The following ROCK2 variants were observed in gnomAD, a reference collection of about 807,000 sequenced individuals.
ROCK2 encodes the protein Rho associated coiled-coil containing protein kinase 2.
A neutral mutation model predicts 195.1 loss-of-function variants in ROCK2; 61 were observed. The observed-to-expected ratio is 0.31, with a 90% CI of 0.25 to 0.39. The LOEUF (loss-of-function observed/expected upper bound fraction) is 0.39. Ranked by LOEUF, ROCK2 falls within the 10% of genes least tolerant of loss-of-function variation. The probability of loss-of-function intolerance (pLI) is 1.00; values close to 1 mark genes in which losing one functional copy is unlikely to be tolerated. For missense variants in ROCK2, 1,109 were observed against 1,637.4 expected (o/e 0.68, Z 5.57); for synonymous variants, 504 against 545.5 (o/e 0.92, Z 1.06).
At chr2:11,250,305 TTTTG>T (rs1433496363) in intron 3 of ROCK2, among the ~76,000 whole-genome samples, 1 of 152,208 alleles carries the variant, frequency 6.6e-6, no homozygotes, top group African/African-American at 2.4e-5. Context: ...TAAAGGGTTT[TTTTG>T]TTTGTTTGTG....
At chr2:11,311,537 C>A (rs1022259450) in intron 1 of ROCK2, among the ~76,000 whole-genome samples, 1 of 152,042 alleles carries the variant, frequency 6.6e-6, no homozygotes, top group African/African-American at 2.4e-5. Flanking sequence ...AAAACTAGAC[C>A]AACCCTCAAA....
intron 1 of ROCK2, among the ~76,000 whole-genome samples, chr2:11,340,463 A>G (rs944805067): frequency 7.9e-5 from 12 of 152,164 alleles, no homozygotes; most frequent in Non-Finnish European, 1.5e-5. Context: ...AAACCTCCCT[A>G]GCTAACTCAT....
chr2:11,220,976 A>G (rs777861133), intron 9 of ROCK2, among the ~76,000 whole-genome samples: 4 of 152,212 alleles, frequency 2.6e-5, no homozygotes, highest in Non-Finnish European at 5.9e-5. Flanking sequence ...TTTTTACTGT[A>G]TATCCCCAAA....
chr2:11,253,545 T>TGG (rs1665911664), intron 3 of ROCK2, among the ~76,000 whole-genome samples: 1 of 152,248 alleles, frequency 6.6e-6, no homozygotes, highest in East Asian at 1.9e-4. Flanking sequence ...GTATCATAAT[T>TGG]TGTAATTTTT....
intron 1 of ROCK2, among the ~76,000 whole-genome samples, chr2:11,340,899 A>G (rs1035400845): frequency 6.6e-6 from 1 of 152,212 alleles, no homozygotes; most frequent in African/African-American, 2.4e-5. Flanking sequence ...TTGAAAGAGT[A>G]AAATAAATCA....
chr2:11,303,810 A>G (rs936614351), intron 1 of ROCK2, among the ~76,000 whole-genome samples: 4 of 152,166 alleles, frequency 2.6e-5, no homozygotes, highest in Non-Finnish European at 4.4e-5. Context: ...TTTCAAGCTT[A>G]TCAGTGACCT....
chr2:11,204,417 T>C (rs1663975103), intron 20 of ROCK2, among the ~76,000 whole-genome samples: 1 of 152,214 alleles, frequency 6.6e-6, no homozygotes, highest in African/African-American at 2.4e-5. Flanking sequence ...AGAATATGTC[T>C]AGATATAGAT....
At chr2:11,205,550 AAAAAG>A (rs1351792125) in intron 20 of ROCK2, among the ~76,000 whole-genome samples, 2 of 151,754 alleles carry the variant, frequency 1.3e-5, no homozygotes, top group Non-Finnish European at 2.9e-5. Context: ...TGGCCATTTT[AAAAAG>A]AAGCCAACAT....
At position 11,344,228 on chromosome 2, in the gene ROCK2, G is replaced by A; in HGVS notation, c.-92C>T. 1 of 1,322,494 alleles carries A rather than the reference G, an allele frequency of 7.6e-7. No homozygotes were observed. Among genetic ancestry groups the A allele is most frequent in the South Asian group, 2.0e-5 (1 of 48,812 alleles). The allele number at this position is 1,322,494 out of a possible 1,614,324, so 81.9% of individuals were successfully genotyped here. On this transcript the variant is annotated 5_prime_UTR_variant, in exon 1 of 33. Coordinates refer to ENST00000315872, the MANE Select transcript of ROCK2 (RefSeq NM_004850.5). This position sits in a 1 kb window ranked among gnomAD's most constrained non-coding sequence, Gnocchi z 5.4. The stretch of plus-strand genomic sequence containing the variant: ...CGCCCCCGAACCACCAGCTCCGGCC[G>A]GGACTCCACCCGGGCCCACCGCCTG...
At chr2:11,281,593 T>C (rs2148184452) in intron 3 of ROCK2, among the ~76,000 whole-genome samples, 1 of 152,268 alleles carries the variant, frequency 6.6e-6, no homozygotes, top group South Asian at 2.1e-4. Flanking sequence ...AATTAAATTC[T>C]GTATATGAGC....
At chr2:11,288,214 C>A (rs931151582) in intron 1 of ROCK2, among the ~76,000 whole-genome samples, 1 of 152,136 alleles carries the variant, frequency 6.6e-6, no homozygotes, top group African/African-American at 2.4e-5. Context: ...CTTAAAACAA[C>A]AACAAAAGGA....
chr2:11,235,988 AT>A lies in ROCK2; in HGVS notation c.463-27del. ...CTGGAAAACAAAAGGAAAAGGAAAA[AT>A]TTTTAAAAACCCAAACCAAAAATCA... On this transcript the variant is annotated intron_variant, in intron 4 of 32. Coordinates refer to ENST00000315872, the MANE Select transcript of ROCK2 (RefSeq NM_004850.5). The surrounding 1 kb of genome is among the most constrained non-coding windows in gnomAD (Gnocchi z 4.2). The A allele has an allele frequency of 1.4e-6, 2 of 1,447,690 alleles. No homozygotes were observed. The highest frequency in any genetic ancestry group is 1.8e-6 in the Non-Finnish European group (2 of 1,097,948). 89.7% of individuals were successfully genotyped at this position (1,447,690 alleles called of 1,614,324 possible). A position where few individuals can be genotyped will look rare whatever the true frequency, so the allele number is the denominator to read the frequency against.
chr2:11,207,622 T>C, intron 20 of ROCK2, 104 bp downstream of exon 20: 1 of 792,704 alleles, frequency 1.3e-6, no homozygotes, highest in Non-Finnish European at 1.9e-6. Flanking sequence ...ATAGAAAACA[T>C]GGTCTAGAAA....
chr2:11,262,480 GT>G (rs1013853582), intron 3 of ROCK2, among the ~76,000 whole-genome samples: 5 of 152,182 alleles, frequency 3.3e-5, no homozygotes, highest in Admixed American at 2.6e-4. Context: ...ATTCCCATAT[GT>G]TGTGGGAGGG....
intron 23 of ROCK2, 101 bp from the exon 24 acceptor site, chr2:11,198,875 TTA>T (rs777376380): frequency 3.4e-5 from 24 of 698,728 alleles, no homozygotes; most frequent in Non-Finnish European, 5.0e-5. Context: ...GTTAAACCTC[TTA>T]TTTTTCTTTT....
intron 6 of ROCK2, among the ~76,000 whole-genome samples, chr2:11,226,486 TGGAA>T (rs1271863905): frequency 2.6e-5 from 4 of 152,134 alleles, no homozygotes; most frequent in Admixed American, 2.6e-4. Context: ...AAGAAGTAAA[TGGAA>T]GGAATACAGT....
chr2:11,195,937 G>A (rs1307939505), intron 27 of ROCK2, among the ~76,000 whole-genome samples: 1 of 152,070 alleles, frequency 6.6e-6, no homozygotes, highest in African/African-American at 2.4e-5. Context: ...ATGAATCCTC[G>A]GAATTTGTTT....
intron 1 of ROCK2, among the ~76,000 whole-genome samples, chr2:11,313,816 T>C (rs187881876): frequency 2.6e-5 from 4 of 152,042 alleles, no homozygotes; most frequent in Non-Finnish European, 5.9e-5. Context: ...GTGCATGTTA[T>C]AAAGAGAGAA....
Position 11,269,419 on chromosome 2 carries a change from C to T in ROCK2, c.324+17120G>A, listed in dbSNP as rs372927520. 3.3e-4 allele frequency among the ~76,000 whole-genome samples: 50 copies of T among 151,372 alleles called. No individual in the cohort carries two copies. In the East Asian group the frequency reaches 9.0e-3, roughly 27 times the overall value. On this transcript the variant is annotated intron_variant, in intron 3 of 32. Coordinates refer to ENST00000315872, the MANE Select transcript of ROCK2 (RefSeq NM_004850.5). ...ACTAGCTACTCAGGAGGCTGAGGCA[C>T]GAGACTCTCTTGAACCGGGAGGTGG...
Sources: gnomAD v4.1 joint callset for allele counts (sites outside exome capture counted in the v4.1 genomes callset) on GRCh38, gnomAD v4.1.1 for gene constraint, Gnocchi (gnomAD v3.1) non-coding constraint, MANE v1.5 for transcripts, NCBI Gene and HGNC (gene_info 2026-07-23, HGNC 2026-07-21) for gene names.